The following EFCAB5 variants were observed in gnomAD, a reference collection of about 807,000 sequenced individuals.
The protein encoded by EFCAB5 is EF-hand calcium-binding domain-containing protein 5.
Under a neutral mutation model 167.9 loss-of-function variants are expected in EFCAB5, and 131 were observed. The ratio of observed to expected loss-of-function variants is 0.78; its 90% CI spans 0.68 to 0.90. EFCAB5 has a LOEUF of 0.90. Among genes scored for constraint, EFCAB5 ranks in the 40% least tolerant of loss-of-function variants. EFCAB5 has a pLI of 0.00. For missense variants in EFCAB5, 1,663 were observed against 1,745.2 expected (o/e 0.95, Z 0.84); for synonymous variants, 574 against 602.8 (o/e 0.95, Z 0.70).
At chr17:29,966,980 T>G (rs2067842399) in intron 3 of EFCAB5, among the ~76,000 whole-genome samples, 2 of 152,220 alleles carry the variant, frequency 1.3e-5, no homozygotes, top group Non-Finnish European at 2.9e-5. Flanking sequence ...TCTGATTTTT[T>G]TAATTGGAGA....
At chr17:29,974,606 C>G (rs2068027079) in intron 4 of EFCAB5, among the ~76,000 whole-genome samples, 1 of 151,194 alleles carries the variant, frequency 6.6e-6, no homozygotes, top group African/African-American at 2.4e-5. Flanking sequence ...ATGCAAAAAA[C>G]TAGAAAAAAA....
At chr17:29,950,003 G>A (rs1460550794) in intron 3 of EFCAB5, among the ~76,000 whole-genome samples, 25 of 152,124 alleles carry the variant, frequency 1.6e-4, no homozygotes, top group Non-Finnish European at 1.5e-5. Flanking sequence ...GCAGGAGGAG[G>A]AATTGTCTGC....
At position 30,090,434 on chromosome 17, in the gene EFCAB5, A is replaced by C; in HGVS notation, c.3697A>C (p.Lys1233Gln). ...KSCIFRDFLF[K>Q]CTDSSEVVLA... ...TTTTGATTTCAGAGATTTCCTCTTT[A>C]AATGTACTGACAGTTCAGAAGTTGT... Residue 1233 changes from lysine to glutamine, a missense_variant, in exon 20 of 23, where the codon AAA (lysine) becomes CAA (glutamine). Transcript: ENST00000394835. 6.2e-7 allele frequency: 1 copy of C among 1,612,380 alleles called. No homozygotes were observed. Among genetic ancestry groups the C allele is most frequent in the Non-Finnish European group, 8.5e-7 (1 of 1,179,386 alleles).
intron 7 of EFCAB5, among the ~76,000 whole-genome samples, chr17:30,006,195 T>A (rs937767171): frequency 2.0e-5 from 3 of 152,236 alleles, no homozygotes; most frequent in African/African-American, 7.2e-5. Context: ...CAGAATAAAC[T>A]TCTTTAAAAT....
chr17:30,092,163 T>A lies in EFCAB5; in HGVS notation c.4224+6T>A, dbSNP rs760122531. The stretch of plus-strand genomic sequence containing the variant: ...GTTGGGATAAGTGTAAATTTGTAAG[T>A]TTTTTTTTAAAAAGCACCTTTTAAA... On this transcript the variant is annotated splice_donor_region_variant and intron_variant, in intron 21 of 22. Coordinates refer to ENST00000394835, the MANE Select transcript of EFCAB5 (RefSeq NM_198529.4). 3.1e-6 allele frequency: 5 copies of A among 1,592,842 alleles called. No individual in the cohort carries two copies. The highest frequency in any genetic ancestry group is 3.6e-5 in the Admixed American group (2 of 55,640).
chr17:29,959,922 ATAGCCTAGAT>A (rs1193544563), intron 3 of EFCAB5, among the ~76,000 whole-genome samples: 1 of 152,120 alleles, frequency 6.6e-6, no homozygotes, highest in African/African-American at 2.4e-5. Context: ...TACAGTCCTT[ATAGCCTAGAT>A]TTCCTTTCAA....
chr17:29,963,270 A>G (rs2067759047), intron 3 of EFCAB5, among the ~76,000 whole-genome samples: 1 of 152,018 alleles, frequency 6.6e-6, no homozygotes, highest in African/African-American at 2.4e-5. Context: ...AACTACCTTT[A>G]TTATTTTTAG....
At chr17:30,104,540 C>A (rs369119583) in intron 22 of EFCAB5, among the ~76,000 whole-genome samples, 2 of 121,622 alleles carry the variant, frequency 1.6e-5, no homozygotes, top group African/African-American at 3.4e-5. Context: ...ATACACTTTT[C>A]CAAAGCAAAG....
chr17:29,955,516 T>C (rs558723837), intron 3 of EFCAB5, among the ~76,000 whole-genome samples: 5 of 152,298 alleles, frequency 3.3e-5, no homozygotes, highest in African/African-American at 9.6e-5. Flanking sequence ...CCCAGCCACG[T>C]GGAACTGTGA....
intron 1 of EFCAB5, chr17:29,929,903 A>AG (rs768354117): frequency 6.4e-7 from 1 of 1,558,650 alleles, no homozygotes; most frequent in East Asian, 2.4e-5. Context: ...CCGCAGTGAC[A>AG]GAAGCAAGCG....
chr17:29,931,558 T>C (rs1166214623), intron 1 of EFCAB5, among the ~76,000 whole-genome samples: 1 of 152,182 alleles, frequency 6.6e-6, no homozygotes, highest in Admixed American at 6.5e-5. Flanking sequence ...CAGGAGTGCC[T>C]GTGAGACAAA....
intron 1 of EFCAB5, among the ~76,000 whole-genome samples, chr17:29,935,865 G>A (rs2067240758): frequency 6.6e-6 from 1 of 152,168 alleles, no homozygotes; most frequent in African/African-American, 2.4e-5. Context: ...GATTAGAGGA[G>A]GGGCTTCATG....
In EFCAB5 at chr17:29,994,133, AATATATATATATATATATATATATATAT is replaced by A. The variant is rs55875315; in HGVS notation, c.924+829_924+856del. Reference sequence around the variant, plus strand: ...AAACAAAACAACAACAACAACAACAAATATATATATATATATATATATATATATATATATATATATATATGTGATATAT... The same window carrying A: ...AAACAAAACAACAACAACAACAACAAATATATATATATATATGTGATATAT... On this transcript the variant is annotated intron_variant, in intron 5 of 22. Coordinates refer to ENST00000394835, the MANE Select transcript of EFCAB5 (RefSeq NM_198529.4). Among the ~76,000 whole-genome samples the A allele has an allele frequency of 3.2e-3, 179 of 55,860 alleles. 3 individuals are homozygous for A. The East Asian group carries it at 0.065, about 20-fold the overall frequency. 36.6% of individuals were successfully genotyped at this position (55,860 alleles called of 152,430 possible).
At chr17:29,988,811 A>G (rs1433425485) in intron 4 of EFCAB5, among the ~76,000 whole-genome samples, 1 of 152,172 alleles carries the variant, frequency 6.6e-6, no homozygotes, top group Non-Finnish European at 1.5e-5. Flanking sequence ...GAGTCCATGA[A>G]TTAGTATGTG....
At chr17:29,953,264 G>A (rs1837529811) in intron 3 of EFCAB5, among the ~76,000 whole-genome samples, 1 of 151,898 alleles carries the variant, frequency 6.6e-6, no homozygotes, top group Admixed American at 6.6e-5. Flanking sequence ...ACCAAATCAG[G>A]AACACAGTCC....
chr17:30,010,472 T>C (rs1450042138), intron 7 of EFCAB5, among the ~76,000 whole-genome samples: 2 of 152,224 alleles, frequency 1.3e-5, no homozygotes, highest in African/African-American at 4.8e-5. Context: ...GCACCTGTTG[T>C]TTCCTGACGT....
In EFCAB5 at chr17:30,054,046, C is replaced by T. The variant is rs991368756; in HGVS notation, c.2092C>T (p.Gln698Ter). 3 of 1,603,216 alleles carry T rather than the reference C, an allele frequency of 1.9e-6. No homozygotes were observed. Among genetic ancestry groups the T allele is most frequent in the Non-Finnish European group, 2.6e-6 (3 of 1,174,132 alleles). Reference protein sequence around the residue: ...ITSEYIEVPLQEKRSWEQTYE... With the variant: ...ITSEYIEVPL Reference sequence around the variant, plus strand: ...CTCTGAGTACATTGAAGTCCCTCTACAGGAAAAGAGGTCTTGGGAACAAAC... The same window carrying T: ...CTCTGAGTACATTGAAGTCCCTCTATAGGAAAAGAGGTCTTGGGAACAAAC... The change falls in exon 10 of 23, where the codon CAG (glutamine) becomes TAG (stop). Residue 698 changes from glutamine (Q) to a stop codon, truncating the protein, a stop_gained. Coordinates refer to ENST00000394835, the MANE Select transcript of EFCAB5 (RefSeq NM_198529.4). LOFTEE classifies it high-confidence loss of function.
intron 3 of EFCAB5, among the ~76,000 whole-genome samples, chr17:29,947,848 T>TG (rs1430594370): frequency 6.6e-6 from 1 of 152,150 alleles, no homozygotes; most frequent in Admixed American, 6.6e-5. Context: ...TTTTTTGAGA[T>TG]GGAGTCTTGC....
intron 15 of EFCAB5, 113 bp downstream of exon 15, chr17:30,078,617 T>C: frequency 7.9e-7 from 1 of 1,272,950 alleles, no homozygotes; most frequent in Non-Finnish European, 1.1e-6. Context: ...TGGGTGCTGC[T>C]GTAGATATTT....
Sources: allele counts gnomAD v4.1 joint callset (sites outside exome capture counted in the v4.1 genomes callset), GRCh38; gene constraint gnomAD v4.1.1; transcripts MANE v1.5; gene names NCBI Gene and HGNC (gene_info 2026-07-23, HGNC 2026-07-21).